TMED10: variants seen among roughly 807,000 people sequenced by gnomAD.
The protein encoded by TMED10 is transmembrane emp24 domain-containing protein 10.
A neutral mutation model predicts 23.1 loss-of-function variants in TMED10; 7 were observed. That is an observed-to-expected ratio of 0.30 (90% CI 0.17 to 0.57). The LOEUF is 0.57. Among genes scored for constraint, TMED10 ranks in the 20% least tolerant of loss-of-function variants. The pLI, the probability that TMED10 is intolerant of heterozygous loss-of-function variation, is 0.91. For synonymous variants in TMED10, 113 were observed against 106.9 expected (o/e 1.06, Z -0.35); for missense variants, 162 against 274.8 (o/e 0.59, Z 2.90).
chr14:75,159,325 A>G (rs934941574), intron 1 of TMED10, among the ~76,000 whole-genome samples: 2 of 152,264 alleles, frequency 1.3e-5, no homozygotes, highest in Non-Finnish European at 2.9e-5. Context: ...GCTAATAATT[A>G]CAGGTTGCTG....
At chr14:75,160,244 ATTAGTC>A (rs775036154) in intron 1 of TMED10, among the ~76,000 whole-genome samples, 1 of 152,212 alleles carries the variant, frequency 6.6e-6, no homozygotes, top group Admixed American at 6.5e-5. Context: ...GAGCCAAGTC[ATTAGTC>A]TTAAAGAAAA....
intron 3 of TMED10, among the ~76,000 whole-genome samples, chr14:75,136,359 A>G (rs1895749810): frequency 6.6e-6 from 1 of 151,846 alleles, no homozygotes; most frequent in Non-Finnish European, 1.5e-5. Flanking sequence ...GGGTTTTGCC[A>G]TGTTGCCCAG....
intron 1 of TMED10, among the ~76,000 whole-genome samples, chr14:75,163,186 G>A (rs1896105316): frequency 6.6e-6 from 1 of 152,122 alleles, no homozygotes; most frequent in South Asian, 2.1e-4. Context: ...AGGCTGCAGT[G>A]AGTTGTGATC....
At chr14:75,143,025 A>G (rs976101970) in intron 3 of TMED10, among the ~76,000 whole-genome samples, 1 of 151,816 alleles carries the variant, frequency 6.6e-6, no homozygotes, top group Non-Finnish European at 1.5e-5. Flanking sequence ...CACCCAGCTA[A>G]TTTTTGTATT....
intron 2 of TMED10, among the ~76,000 whole-genome samples, chr14:75,149,424 G>C (rs1424247964): frequency 6.6e-6 from 1 of 152,048 alleles, no homozygotes. Context: ...CCTTGATCTT[G>C]GACTTTCCAG....
At chr14:75,136,246 C>T (rs1343905260) in intron 3 of TMED10, among the ~76,000 whole-genome samples, 1 of 152,084 alleles carries the variant, frequency 6.6e-6, no homozygotes, top group Admixed American at 6.6e-5. Flanking sequence ...GCAGGCTCGA[C>T]CTCCTGGGCT....
chr14:75,159,981 C>T (rs1896067460), intron 1 of TMED10, among the ~76,000 whole-genome samples: 1 of 152,204 alleles, frequency 6.6e-6, no homozygotes, highest in South Asian at 2.1e-4. Flanking sequence ...ATTTACCTCC[C>T]AGAAATAGTG....
chr14:75,159,010 A>G (rs1459441536), intron 1 of TMED10, among the ~76,000 whole-genome samples: 1 of 152,204 alleles, frequency 6.6e-6, no homozygotes, highest in African/African-American at 2.4e-5. Context: ...ACCAAATCAC[A>G]AAGTAATGTG....
chr14:75,176,124 T>A, intron 1 of TMED10: 1 of 586,654 alleles, frequency 1.7e-6, no homozygotes. Flanking sequence ...TGTCACCACA[T>A]CCGCCAAAGC....
At position 75,141,890 on chromosome 14, in the gene TMED10, C is replaced by G. The variant is rs554195606; in HGVS notation, c.411+5774G>C. Among the ~76,000 whole-genome samples the G allele has an allele frequency of 5.9e-5, 9 of 152,240 alleles. No individual in the cohort carries two copies. The South Asian group carries it at 6.2e-4, about 11-fold the overall frequency. On this transcript the variant is annotated intron_variant, in intron 3 of 4. Transcript: ENST00000303575. ...AGGGCAACAGAGTAAAATTTTAAAA[C>G]AAATCATGGTAAGTATTCTCAAGAA...
rs113690782 is a variant in TMED10 at position 75,154,014 on chromosome 14, A to G, written c.226-1871T>C. ...CTCGATCTCCTGACCTCATAATCCA[A>G]CCCGCCTCGGCTTCCCAAAGTGCTG... On this transcript the variant is annotated intron_variant, in intron 1 of 4. Transcript: ENST00000303575. 1.1e-3 allele frequency among the ~76,000 whole-genome samples: 158 copies of G among 147,978 alleles called. 1 individual carries two copies. Among genetic ancestry groups the G allele is most frequent in the African/African-American group, 3.7e-3 (148 of 40,406 alleles).
intron 1 of TMED10, among the ~76,000 whole-genome samples, chr14:75,164,229 CTTTT>C (rs765743077): frequency 2.5e-5 from 3 of 118,490 alleles, no homozygotes; most frequent in Non-Finnish European, 3.5e-5. Context: ...CCATGCCCGG[CTTTT>C]TTTTTTTTTT....
In TMED10 at chr14:75,176,493, GA is replaced by G; in HGVS notation, c.86del (p.Val29AlafsTer25). Reference sequence around the variant, plus strand: ...TGGGCAGATGGAAGGAGATGGCAAGGACCAATCTGGGGCCGAGCAGGAACAA... The same window carrying G: ...TGGGCAGATGGAAGGAGATGGCAAGGCCAATCTGGGGCCGAGCAGGAACAA... The part of the protein sequence containing the change: ...LLLFLLGPRL[V>X]LAISFHLPIN... On this transcript the variant is annotated frameshift_variant, in exon 1 of 5. Transcript: ENST00000303575. LOFTEE classifies it high-confidence loss of function. The G allele has an allele frequency of 6.2e-7, 1 of 1,614,198 alleles. No homozygotes were observed. The highest frequency in any genetic ancestry group is 8.5e-7 in the Non-Finnish European group (1 of 1,180,034).
chr14:75,143,901 T>C (rs948466499), intron 3 of TMED10, among the ~76,000 whole-genome samples: 2 of 135,006 alleles, frequency 1.5e-5, no homozygotes, highest in Non-Finnish European at 3.1e-5. Flanking sequence ...GCCACTGCAC[T>C]ACAGCCTGAA....
chr14:75,157,077 G>C (rs1446984784), intron 1 of TMED10, among the ~76,000 whole-genome samples: 1 of 152,158 alleles, frequency 6.6e-6, no homozygotes, highest in African/African-American at 2.4e-5. Flanking sequence ...ATGACTGCTG[G>C]GTAGCACTGA....
At chr14:75,173,100 T>C (rs532296202) in intron 1 of TMED10, among the ~76,000 whole-genome samples, 2 of 152,312 alleles carry the variant, frequency 1.3e-5, no homozygotes, top group Non-Finnish European at 2.9e-5. Context: ...AAAAATCAGA[T>C]GTGGGCTAGG....
intron 1 of TMED10, among the ~76,000 whole-genome samples, chr14:75,172,991 G>C (rs77997800): frequency 0.014 from 2,172 of 152,292 alleles, 58 homozygotes; most frequent in African/African-American, 0.05. Flanking sequence ...GCCCTCGGGT[G>C]GGCCGGGAGC....
intron 1 of TMED10, among the ~76,000 whole-genome samples, chr14:75,166,815 A>C (rs1896169007): frequency 6.6e-6 from 1 of 152,166 alleles, no homozygotes; most frequent in Admixed American, 6.6e-5. Context: ...AGTCACGTTA[A>C]ATTCACGCTG....
At chr14:75,138,812 C>CTTTTTTTTTT (rs59707221) in intron 3 of TMED10, among the ~76,000 whole-genome samples, 144 of 94,970 alleles carry the variant, frequency 1.5e-3, no homozygotes, top group African/African-American at 1.6e-3. Flanking sequence ...GCCTTTGCTT[C>CTTTTTTTTTT]TTTTTTTTTT....
Sources: gnomAD v4.1 joint callset for allele counts (sites outside exome capture counted in the v4.1 genomes callset) on GRCh38, gnomAD v4.1.1 for gene constraint, MANE v1.5 for transcripts, NCBI Gene and HGNC (gene_info 2026-07-23, HGNC 2026-07-21) for gene names.